Variants in SLA observed in about 807,000 individuals in gnomAD.
SLA encodes the protein Src like adaptor, also known as src-like-adapter.
SLA carries 16 observed loss-of-function variants against 30.3 expected under a neutral mutation model. The ratio of observed to expected loss-of-function variants is 0.53; its 90% CI spans 0.36 to 0.80. The LOEUF (loss-of-function observed/expected upper bound fraction) is 0.80, where lower values mean the gene tolerates loss of function less well. Ranked by LOEUF, SLA falls within the 30% of genes least tolerant of loss-of-function variation. SLA has a pLI of 0.01. For missense variants in SLA, 310 were observed against 345.2 expected (o/e 0.90, Z 0.81); for synonymous variants, 143 against 137.8 (o/e 1.04, Z -0.26).
At chr8:133,101,967 G>T (rs1849314874) in intron 1 of SLA, among the ~76,000 whole-genome samples, 1 of 152,204 alleles carries the variant, frequency 6.6e-6, no homozygotes, top group Non-Finnish European at 1.5e-5. Context: ...GTTACCCAGA[G>T]TCTGAGCCTC....
chr8:133,091,079 C>T (rs1847435658), intron 1 of SLA, among the ~76,000 whole-genome samples: 1 of 152,210 alleles, frequency 6.6e-6, no homozygotes, highest in African/African-American at 2.4e-5. Context: ...CCTGGGATTG[C>T]TCTGAGAGGT....
At chr8:133,071,402 G>A (rs1156522089) in intron 2 of SLA, among the ~76,000 whole-genome samples, 2 of 152,336 alleles carry the variant, frequency 1.3e-5, no homozygotes, top group East Asian at 3.9e-4. Flanking sequence ...TTAGGCCTGA[G>A]GAAAGGGATG....
chr8:133,074,798 G>A, intron 2 of SLA, 55 bp downstream of exon 2: 1 of 951,458 alleles, frequency 1.1e-6, no homozygotes, highest in Non-Finnish European at 1.3e-6. Flanking sequence ...ACTGCGTGTT[G>A]AAGAGGCCCT....
chr8:133,044,707 T>C (rs983566789), intron 7 of SLA, among the ~76,000 whole-genome samples: 2 of 152,222 alleles, frequency 1.3e-5, no homozygotes, highest in African/African-American at 4.8e-5. Context: ...ATGTGCAAGC[T>C]GGTTGCAGTT....
intron 5 of SLA, chr8:133,049,388 A>G: frequency 3.4e-6 from 1 of 290,098 alleles, no homozygotes; most frequent in Non-Finnish European, 7.0e-6. Context: ...TGCTCCAAGA[A>G]CTACACATGT....
At chr8:133,080,241 A>G (rs1845543864) in intron 1 of SLA, among the ~76,000 whole-genome samples, 1 of 152,170 alleles carries the variant, frequency 6.6e-6, no homozygotes, top group Non-Finnish European at 1.5e-5. Context: ...ACAGAAAGGA[A>G]AGGGAATGAA....
At chr8:133,056,173 T>C (rs1841415392) in intron 3 of SLA, among the ~76,000 whole-genome samples, 1 of 152,140 alleles carries the variant, frequency 6.6e-6, no homozygotes, top group African/African-American at 2.4e-5. Flanking sequence ...AAAAATTAAT[T>C]TACTTAAAAA....
intron 2 of SLA, among the ~76,000 whole-genome samples, chr8:133,073,468 T>C (rs1270638293): frequency 6.6e-6 from 1 of 152,162 alleles, no homozygotes; most frequent in African/African-American, 2.4e-5. Flanking sequence ...GTTCAAGCGA[T>C]TATCCTGTCT....
intron 5 of SLA, chr8:133,049,513 TGC>T (rs1840034221): frequency 3.5e-6 from 1 of 289,456 alleles, no homozygotes; most frequent in Non-Finnish European, 6.8e-6. Flanking sequence ...AGGGAACTGA[TGC>T]ATAAAAAGCT....
rs1461763834 is a variant in SLA at position 133,038,569 on chromosome 8, C to T, written c.786G>A (p.Lys262=). The T allele has an allele frequency of 6.2e-7, 1 of 1,614,028 alleles. No homozygotes were observed. Among genetic ancestry groups the T allele is most frequent in the African/African-American group, 1.3e-5 (1 of 74,924 alleles). ...KSISLMYGGS[K]RKSSFFSSPP... ...GTGATGAGAAGAATGAGCTCTTTCT[C>T]TTGCTGCCACCATACATCAGGGAGA... Residue 262 remains lysine, a synonymous_variant, in exon 9 of 9, where the codon AAG becomes AAA. Coordinates refer to ENST00000338087, the MANE Select transcript of SLA (RefSeq NM_001045556.3).
At chr8:133,086,718 C>A (rs993405145) in intron 1 of SLA, among the ~76,000 whole-genome samples, 1 of 152,134 alleles carries the variant, frequency 6.6e-6, no homozygotes, top group Non-Finnish European at 1.5e-5. Flanking sequence ...ATTTGTAATG[C>A]ACCATACTGT....
Position 133,037,790 on chromosome 8 carries a change from A to C in SLA, c.*734T>G, listed in dbSNP as rs1837363049. On this transcript the variant is annotated 3_prime_UTR_variant, in exon 9 of 9. Transcript: ENST00000338087. ...GCGCTGCAAAGCCATGGCTGCAGAC[A>C]TCAGGGAAGCTGGTGCAGTTCTAGT... 6.6e-6 allele frequency: 1 copy of C among 152,362 alleles called. No homozygotes were observed. The highest frequency in any genetic ancestry group is 6.5e-5 in the Admixed American group (1 of 15,310). 9.4% of individuals were successfully genotyped at this position (152,362 alleles called of 1,614,324 possible).
intron 2 of SLA, among the ~76,000 whole-genome samples, chr8:133,065,142 T>C (rs369836963): frequency 1.3e-5 from 2 of 152,264 alleles, no homozygotes; most frequent in East Asian, 3.9e-4. Flanking sequence ...GTCCACCATA[T>C]ATGTGAATGC....
intron 5 of SLA, chr8:133,049,267 C>T (rs552049089): frequency 1.4e-5 from 6 of 415,432 alleles, no homozygotes; most frequent in South Asian, 9.9e-5. Context: ...ACCCATTTTT[C>T]AAGGAAGGCA....
intron 1 of SLA, among the ~76,000 whole-genome samples, chr8:133,094,273 C>T (rs2131629491): frequency 7.8e-6 from 1 of 128,540 alleles, no homozygotes; most frequent in Middle Eastern, 4.7e-3. Context: ...TGGAGTCTTG[C>T]TCTGTTTCCC....
intron 2 of SLA, among the ~76,000 whole-genome samples, chr8:133,062,037 C>T (rs1047707994): frequency 6.6e-6 from 1 of 152,188 alleles, no homozygotes; most frequent in South Asian, 2.1e-4. Context: ...TGACCAGGCT[C>T]GCAAAAGCTA....
intron 2 of SLA, among the ~76,000 whole-genome samples, chr8:133,065,481 G>C (rs1842911426): frequency 6.6e-6 from 1 of 152,180 alleles, no homozygotes; most frequent in Non-Finnish European, 1.5e-5. Flanking sequence ...AAGTTATCAG[G>C]CCGGGCGCGG....
intron 7 of SLA, among the ~76,000 whole-genome samples, chr8:133,041,840 T>G (rs1329194992): frequency 6.2e-5 from 9 of 145,752 alleles, no homozygotes; most frequent in African/African-American, 2.3e-4. Context: ...CAGGCTGGAG[T>G]GCAGTGGTGT....
chr8:133,050,828 C>T lies in SLA; in HGVS notation c.149G>A (p.Arg50His), dbSNP rs140863357. Residue 50 changes from arginine (R) to histidine (H), a missense_variant, in exon 4 of 9, where the codon CGT becomes CAT. Coordinates refer to ENST00000338087, the MANE Select transcript of SLA (RefSeq NM_001045556.3). ...PPIFRRGEKLRVISDEGGWWK... is the reference protein window; with the variant it reads ...PPIFRRGEKLHVISDEGGWWK... ...AGAGCTGACTCACTCAGAAATCACA[C>T]GCAGTTTCTCCCCTCGGCGGAATAT... is the stretch of plus-strand genomic sequence containing the variant. The T allele has an allele frequency of 2.8e-5, 45 of 1,607,160 alleles. No homozygotes were observed. Among genetic ancestry groups the T allele is most frequent in the Middle Eastern group, 1.7e-4 (1 of 6,040 alleles).
Sources: gnomAD v4.1 joint callset for allele counts (sites outside exome capture counted in the v4.1 genomes callset) on GRCh38, gnomAD v4.1.1 for gene constraint, MANE v1.5 for transcripts, NCBI Gene and HGNC (gene_info 2026-07-23, HGNC 2026-07-21) for gene names.